The following SPOCK1 variants were observed in gnomAD, a reference collection of about 807,000 sequenced individuals.
SPOCK1 encodes testican-1.
A neutral mutation model predicts 55.3 loss-of-function variants in SPOCK1; 23 were observed. That is an observed-to-expected ratio of 0.42 (90% CI 0.30 to 0.59). The LOEUF is 0.59. Among genes scored for constraint, SPOCK1 ranks in the 20% least tolerant of loss-of-function variants. The probability of loss-of-function intolerance (pLI) is 0.22; values close to 1 mark genes in which losing one functional copy is unlikely to be tolerated. For synonymous variants in SPOCK1, 226 were observed against 221.0 expected (o/e 1.02, Z -0.20); for missense variants, 499 against 552.5 (o/e 0.90, Z 0.97).
intron 2 of SPOCK1, among the ~76,000 whole-genome samples, chr5:137,483,559 C>A (rs1230736471): frequency 6.6e-6 from 1 of 152,174 alleles, no homozygotes; most frequent in African/African-American, 2.4e-5. Context: ...CTTCATCCAG[C>A]TGGACTATAT....
At chr5:137,479,915 G>A (rs1167661110) in intron 2 of SPOCK1, among the ~76,000 whole-genome samples, 3 of 152,152 alleles carry the variant, frequency 2.0e-5, no homozygotes, top group South Asian at 2.1e-4. Flanking sequence ...CAAGTCCCCT[G>A]CCTGGCCCTC....
intron 9 of SPOCK1, among the ~76,000 whole-genome samples, chr5:136,979,984 G>C (rs575876758): frequency 6.6e-6 from 1 of 152,230 alleles, no homozygotes; most frequent in South Asian, 2.1e-4. Flanking sequence ...TACTGCACTT[G>C]GTTCTGACTA....
intron 4 of SPOCK1, among the ~76,000 whole-genome samples, chr5:137,115,179 G>T (rs1229233369): frequency 2.6e-5 from 4 of 152,142 alleles, no homozygotes; most frequent in Non-Finnish European, 5.9e-5. Context: ...TAGGGTGGCG[G>T]GGTCGGTGGG....
rs142368942 is a variant in SPOCK1, at chr5:137,188,773, G to T, written c.233-48079C>A. Among the ~76,000 whole-genome samples, 21 of 152,384 alleles carry T rather than the reference G, an allele frequency of 1.4e-4. No homozygotes were observed. The East Asian group carries it at 3.7e-3, about 27-fold the overall frequency. On this transcript the variant is annotated intron_variant, in intron 3 of 10. Coordinates refer to ENST00000394945, the MANE Select transcript of SPOCK1 (RefSeq NM_004598.4). ...TGATTAAACTTGGTGAAGAAAGCAT[G>T]TCGAAAGCCGAGACAGGCTAAAAGC...
intron 3 of SPOCK1, among the ~76,000 whole-genome samples, chr5:137,205,513 G>A (rs923472969): frequency 3.3e-5 from 5 of 152,234 alleles, no homozygotes; most frequent in African/African-American, 1.2e-4. Flanking sequence ...GCTCTTGGCA[G>A]TGATGAATTG....
Position 137,320,725 on chromosome 5 carries a change from G to A in SPOCK1, c.187-53670C>T, listed in dbSNP as rs145943834. Among the ~76,000 whole-genome samples the A allele has an allele frequency of 3.7e-3, 569 of 152,286 alleles. 3 individuals carry two copies. Among genetic ancestry groups the A allele is most frequent in the African/African-American group, 0.013 (537 of 41,554 alleles). ...CTAGAAAAGATTTCTCTCCCCAAAA[G>A]GTTAAGAGACGCTTGGAATCTCTAG... On this transcript the variant is annotated intron_variant, in intron 2 of 10. Coordinates refer to ENST00000394945, the MANE Select transcript of SPOCK1 (RefSeq NM_004598.4).
chr5:137,227,430 C>T (rs1231084449), intron 3 of SPOCK1, among the ~76,000 whole-genome samples: 1 of 152,214 alleles, frequency 6.6e-6, no homozygotes, highest in Non-Finnish European at 1.5e-5. Context: ...CAGAATTGGT[C>T]ACTGACTTAG....
chr5:137,160,529 TAAAA>T (rs1194978830), intron 3 of SPOCK1, among the ~76,000 whole-genome samples: 72 of 62,938 alleles, frequency 1.1e-3, no homozygotes, highest in East Asian at 6.9e-3. Flanking sequence ...ATATAATATA[TAAAA>T]ATATATAATA....
At chr5:137,338,838 T>C (rs187795281) in intron 2 of SPOCK1, among the ~76,000 whole-genome samples, 2 of 152,362 alleles carry the variant, frequency 1.3e-5, no homozygotes, top group East Asian at 3.9e-4. Flanking sequence ...TGTCTGTTCA[T>C]ATCCTTCGCC....
At chr5:137,177,723 G>T (rs1296736901) in intron 3 of SPOCK1, among the ~76,000 whole-genome samples, 1 of 151,964 alleles carries the variant, frequency 6.6e-6, no homozygotes, top group Non-Finnish European at 1.5e-5. Flanking sequence ...AAGAAGGGGA[G>T]CCCCAAGCAT....
At chr5:137,387,914 G>T (rs1461971434) in intron 2 of SPOCK1, among the ~76,000 whole-genome samples, 1 of 152,136 alleles carries the variant, frequency 6.6e-6, no homozygotes, top group Admixed American at 6.5e-5. Flanking sequence ...GCTATATACA[G>T]TTTGTAACCC....
intron 3 of SPOCK1, among the ~76,000 whole-genome samples, chr5:137,235,645 C>T (rs1189735268): frequency 6.6e-6 from 1 of 152,274 alleles, no homozygotes; most frequent in African/African-American, 2.4e-5. Context: ...TGTGAAAACA[C>T]TGCTCTGTGT....
chr5:137,449,279 C>A (rs1753199089), intron 2 of SPOCK1, among the ~76,000 whole-genome samples: 1 of 152,222 alleles, frequency 6.6e-6, no homozygotes, highest in Non-Finnish European at 1.5e-5. Flanking sequence ...AATCCTGGAC[C>A]ATGTGTCAGG....
At chr5:137,153,062 C>G (rs1361525638) in intron 3 of SPOCK1, among the ~76,000 whole-genome samples, 1 of 152,234 alleles carries the variant, frequency 6.6e-6, no homozygotes, top group Admixed American at 6.5e-5. Context: ...TCACCCAACA[C>G]AGTGTCTGGA....
At chr5:137,236,125 C>G (rs1756175615) in intron 3 of SPOCK1, among the ~76,000 whole-genome samples, 1 of 152,236 alleles carries the variant, frequency 6.6e-6, no homozygotes, top group African/African-American at 2.4e-5. Flanking sequence ...CCCTGAGATC[C>G]CAGAATTTTC....
intron 2 of SPOCK1, among the ~76,000 whole-genome samples, chr5:137,461,355 G>A (rs927699929): frequency 1.3e-5 from 2 of 152,208 alleles, no homozygotes; most frequent in East Asian, 3.8e-4. Context: ...CCAAGACACT[G>A]GCAGCTGGGT....
chr5:137,367,011 C>G (rs1350394957), intron 2 of SPOCK1, among the ~76,000 whole-genome samples: 3 of 152,220 alleles, frequency 2.0e-5, no homozygotes, highest in Non-Finnish European at 4.4e-5. Flanking sequence ...TGCACTGTGA[C>G]AACTGAGTCA....
chr5:137,090,904 CA>C (rs1260136829), intron 5 of SPOCK1, among the ~76,000 whole-genome samples: 1 of 152,102 alleles, frequency 6.6e-6, no homozygotes, highest in Non-Finnish European at 1.5e-5. Context: ...GGCTCAGTTT[CA>C]AATTCCAGTC....
chr5:137,476,689 C>A (rs1753843883), intron 2 of SPOCK1, among the ~76,000 whole-genome samples: 1 of 152,130 alleles, frequency 6.6e-6, no homozygotes, highest in Non-Finnish European at 1.5e-5. Flanking sequence ...CTTTGGCAGG[C>A]CGAGGCAAGT....
Sources: gnomAD v4.1 joint callset for allele counts (sites outside exome capture counted in the v4.1 genomes callset) on GRCh38, gnomAD v4.1.1 for gene constraint, MANE v1.5 for transcripts, NCBI Gene and HGNC (gene_info 2026-07-23, HGNC 2026-07-21) for gene names.